Variants in STK32B observed in about 807,000 individuals in gnomAD.
The protein encoded by STK32B is serine/threonine kinase 32B.
In STK32B, 43 loss-of-function variants were observed where a neutral mutation model predicts 52.6. That is an observed-to-expected ratio of 0.82 (90% CI 0.64 to 1.05). STK32B has a LOEUF of 1.05. STK32B is among the 50% of genes least tolerant of loss of function. The pLI, the probability that STK32B is intolerant of heterozygous loss-of-function variation, is 0.00. For missense variants in STK32B, 621 were observed against 534.6 expected (o/e 1.16, Z -1.59); for synonymous variants, 238 against 204.3 (o/e 1.17, Z -1.41).
In STK32B at chr4:5,376,640, T is replaced by C. The variant is rs539923269; in HGVS notation, c.435-21567T>C. Reference sequence around the variant, plus strand: ...TCAGAAATAGGGTGATTTGTCAGCATCAGGATGATGGAAATGAGGCTGGAG... The same window carrying C: ...TCAGAAATAGGGTGATTTGTCAGCACCAGGATGATGGAAATGAGGCTGGAG... On this transcript the variant is annotated intron_variant, in intron 4 of 11. Coordinates refer to ENST00000282908, the MANE Select transcript of STK32B (RefSeq NM_018401.3). Among the ~76,000 whole-genome samples the C allele has an allele frequency of 1.2e-4, 18 of 152,262 alleles. 1 individual carries two copies. The South Asian group carries it at 3.5e-3, about 30-fold the overall frequency.
intron 3 of STK32B, among the ~76,000 whole-genome samples, chr4:5,254,814 A>T (rs1227681471): frequency 6.6e-6 from 1 of 152,016 alleles, no homozygotes; most frequent in Non-Finnish European, 1.5e-5. Context: ...TTTAGGTTTT[A>T]CCCATACATT....
At chr4:5,337,335 C>T (rs912027836) in intron 4 of STK32B, among the ~76,000 whole-genome samples, 5 of 152,094 alleles carry the variant, frequency 3.3e-5, no homozygotes, top group Non-Finnish European at 7.4e-5. Flanking sequence ...ACACGCTATT[C>T]AACCATGTGT....
intron 3 of STK32B, among the ~76,000 whole-genome samples, chr4:5,243,671 ATGCT>A (rs1171356292): frequency 6.6e-6 from 1 of 152,138 alleles, no homozygotes; most frequent in African/African-American, 2.4e-5. Flanking sequence ...TTCAAAGGGA[ATGCT>A]TCCAGTTTTT....
chr4:5,393,882 T>G (rs1222156986), intron 4 of STK32B, among the ~76,000 whole-genome samples: 1 of 152,088 alleles, frequency 6.6e-6, no homozygotes, highest in Non-Finnish European at 1.5e-5. Flanking sequence ...CTCTCTTCTC[T>G]GTCCTTTGCT....
At chr4:5,139,852 C>T (rs1716297107) in intron 1 of STK32B, 53 bp from the exon 2 acceptor site, 3 of 1,603,336 alleles carry the variant, frequency 1.9e-6, no homozygotes, top group Non-Finnish European at 2.6e-6. Context: ...ATTCAAGGAG[C>T]AATACCAGGT....
intron 11 of STK32B, among the ~76,000 whole-genome samples, chr4:5,489,464 T>G (rs1392779597): frequency 1.3e-5 from 2 of 152,186 alleles, no homozygotes; most frequent in Non-Finnish European, 2.9e-5. Context: ...GATCATTTTG[T>G]TTTAGGCTGG....
intron 6 of STK32B, among the ~76,000 whole-genome samples, chr4:5,441,303 G>A (rs1370780899): frequency 6.6e-6 from 1 of 151,876 alleles, no homozygotes; most frequent in African/African-American, 2.4e-5. Flanking sequence ...GGTCTATTCA[G>A]AGATTCAACT....
chr4:5,337,944 C>A (rs552369794), intron 4 of STK32B, among the ~76,000 whole-genome samples: 2 of 152,246 alleles, frequency 1.3e-5, no homozygotes, highest in Admixed American at 1.3e-4. Context: ...ACGGCTAAAT[C>A]TTTGTCTTCC....
intron 1 of STK32B, among the ~76,000 whole-genome samples, chr4:5,099,321 C>G (rs1713571155): frequency 6.6e-6 from 1 of 152,196 alleles, no homozygotes; most frequent in Non-Finnish European, 1.5e-5. Flanking sequence ...GTTCTAGGAA[C>G]TAGAATGTGG....
chr4:5,028,953 C>A, the STK32B span, among the ~76,000 whole-genome samples: 1 of 152,202 alleles, frequency 6.6e-6, no homozygotes, highest in Non-Finnish European at 1.5e-5. Context: ...GAGCACATCG[C>A]ATGGCCGGAA....
At chr4:5,449,839 C>G (rs542905793) in intron 7 of STK32B, among the ~76,000 whole-genome samples, 11 of 152,296 alleles carry the variant, frequency 7.2e-5, no homozygotes, top group African/African-American at 2.4e-4. Flanking sequence ...TGATCTGTCA[C>G]TGTCTCCCAT....
intron 3 of STK32B, among the ~76,000 whole-genome samples, chr4:5,253,987 A>T (rs953437860): frequency 6.6e-6 from 1 of 151,972 alleles, no homozygotes; most frequent in Non-Finnish European, 1.5e-5. Context: ...GGGTCTCACC[A>T]TGTTGGCCAG....
At chr4:5,153,101 C>T (rs945008923) in intron 2 of STK32B, among the ~76,000 whole-genome samples, 7 of 152,220 alleles carry the variant, frequency 4.6e-5, no homozygotes, top group African/African-American at 1.2e-4. Flanking sequence ...AAATGTCCCT[C>T]CCAGATACAG....
At chr4:5,239,905 C>G (rs1724895328) in intron 3 of STK32B, among the ~76,000 whole-genome samples, 1 of 152,130 alleles carries the variant, frequency 6.6e-6, no homozygotes, top group Non-Finnish European at 1.5e-5. Flanking sequence ...TGCACCTTAT[C>G]TCTGCCATTC....
intron 3 of STK32B, among the ~76,000 whole-genome samples, chr4:5,261,853 C>T (rs962467352): frequency 6.6e-6 from 1 of 152,134 alleles, no homozygotes; most frequent in Non-Finnish European, 1.5e-5. Context: ...TTAGCAGAAG[C>T]ACTGAGGATT....
the STK32B span, among the ~76,000 whole-genome samples, chr4:5,046,115 A>G: frequency 6.6e-6 from 1 of 152,208 alleles, no homozygotes; most frequent in Non-Finnish European, 1.5e-5. Flanking sequence ...TTCAAACTAT[A>G]CTACAAGGCT....
chr4:5,366,772 T>A (rs1359723179), intron 4 of STK32B, among the ~76,000 whole-genome samples: 1 of 152,172 alleles, frequency 6.6e-6, no homozygotes, highest in Non-Finnish European at 1.5e-5. Flanking sequence ...ACTACTGAGT[T>A]TGGAAAGCAA....
Position 5,317,277 on chromosome 4 carries a change from A to ATATT in STK32B, c.261-13943_261-13942insTATT, listed in dbSNP as rs1285797978. Among the ~76,000 whole-genome samples the ATATT allele has an allele frequency of 4.9e-5, 2 of 40,408 alleles. 1 individual carries two copies. The highest frequency in any genetic ancestry group is 4.9e-4 in the African/African-American group (2 of 4,106). 26.5% of individuals were successfully genotyped at this position (40,408 alleles called of 152,430 possible). ...AACATATAACATATATATAATATATAACATATAACATATATATAATATATA... is the reference window on the plus strand; with the variant it reads ...AACATATAACATATATATAATATATATATTACATATAACATATATATAATATATA... On this transcript the variant is annotated intron_variant, in intron 3 of 11. Coordinates refer to ENST00000282908, the MANE Select transcript of STK32B (RefSeq NM_018401.3).
intron 11 of STK32B, among the ~76,000 whole-genome samples, chr4:5,495,132 G>C (rs924090971): frequency 1.3e-5 from 2 of 152,206 alleles, no homozygotes; most frequent in Non-Finnish European, 2.9e-5. Context: ...TGCCTTGCTA[G>C]ATTGGGGAAG....
Sources: gnomAD v4.1 joint callset for allele counts (sites outside exome capture counted in the v4.1 genomes callset) on GRCh38, gnomAD v4.1.1 for gene constraint, MANE v1.5 for transcripts, NCBI Gene and HGNC (gene_info 2026-07-23, HGNC 2026-07-21) for gene names.